SCNN1B: variants seen among roughly 807,000 people sequenced by gnomAD.
The protein encoded by SCNN1B is sodium channel epithelial 1 subunit beta.
SCNN1B carries 46 observed loss-of-function variants against 65.3 expected under a neutral mutation model. The observed-to-expected ratio is 0.70, with a 90% CI of 0.56 to 0.90. SCNN1B has a LOEUF of 0.90. Ranked by LOEUF, SCNN1B falls within the 40% of genes least tolerant of loss-of-function variation. The pLI is 0.00. For missense variants in SCNN1B, 751 were observed against 830.5 expected (o/e 0.90, Z 1.18); for synonymous variants, 349 against 330.6 (o/e 1.06, Z -0.60).
At position 23,305,549 on chromosome 16, in the gene SCNN1B, T is replaced by A. The variant is rs1311827166; in HGVS notation, c.-9+3112T>A. Among the ~76,000 whole-genome samples, 57 of 34,536 alleles carry A rather than the reference T, an allele frequency of 1.7e-3. 5 individuals carry two copies. The African/African-American group carries it at 0.017, about 10-fold the overall frequency. 22.7% of individuals were successfully genotyped at this position (34,536 alleles called of 152,430 possible). A position where few individuals can be genotyped will look rare whatever the true frequency, so the allele number is the denominator to read the frequency against. ...AATATATATATTATATATATATATA[T>A]ATATATATATATATATATATATATA... On this transcript the variant is annotated intron_variant, in intron 1 of 12. Transcript: ENST00000343070.
rs561639077 is a variant in SCNN1B, at chr16:23,282,579, G to A, written n.111-1158G>A. On this transcript the variant is annotated intron_variant and non_coding_transcript_variant, in intron 1 of 3. Transcript: ENST00000569789. ...GAAAATATCTTAATTGAGGTAGGAG[G>A]CATGACTCCATTCCAGATGTGGGGC... Among the ~76,000 whole-genome samples the A allele has an allele frequency of 5.9e-5, 9 of 152,258 alleles. No homozygotes were observed. In the East Asian group the frequency reaches 1.7e-3, roughly 29 times the overall value.
At chr16:23,358,916 AC>A (rs1236133101) in intron 4 of SCNN1B, among the ~76,000 whole-genome samples, 3 of 152,202 alleles carry the variant, frequency 2.0e-5, no homozygotes, top group Non-Finnish European at 4.4e-5. Flanking sequence ...AAAAACAGCA[AC>A]AAAAACAAAA....
At chr16:23,343,655 GA>G (rs1365492586) in intron 1 of SCNN1B, among the ~76,000 whole-genome samples, 1,409 of 134,368 alleles carry the variant, frequency 0.01, 9 homozygotes, top group Middle Eastern at 0.033. Flanking sequence ...AAGAAAAAAA[GA>G]AAGGAAGGAA....
At chr16:23,319,689 A>G (rs945397446) in intron 1 of SCNN1B, among the ~76,000 whole-genome samples, 1 of 152,162 alleles carries the variant, frequency 6.6e-6, no homozygotes, top group Non-Finnish European at 1.5e-5. Context: ...TTTCCCGAAA[A>G]AGTTTGCTGA....
chr16:23,369,494 T>G (rs1217323030), intron 5 of SCNN1B, among the ~76,000 whole-genome samples: 1 of 152,098 alleles, frequency 6.6e-6, no homozygotes, highest in Non-Finnish European at 1.5e-5. Flanking sequence ...GGGGCTCATG[T>G]GTTGCACTGA....
At chr16:23,311,068 C>T (rs902404723) in intron 1 of SCNN1B, among the ~76,000 whole-genome samples, 4 of 152,228 alleles carry the variant, frequency 2.6e-5, no homozygotes, top group African/African-American at 7.2e-5. Flanking sequence ...GAGGGCGGTT[C>T]GGCAAACATG....
chr16:23,356,731 G>A (rs1053539729), intron 4 of SCNN1B, among the ~76,000 whole-genome samples: 9 of 152,118 alleles, frequency 5.9e-5, no homozygotes, highest in African/African-American at 1.9e-4. Context: ...CAGAATGAGG[G>A]TAATGGTAAC....
At chr16:23,317,956 T>C (rs1302940336) in intron 1 of SCNN1B, among the ~76,000 whole-genome samples, 1 of 152,214 alleles carries the variant, frequency 6.6e-6, no homozygotes. Context: ...CCTGCCAGCC[T>C]CCTTCTTCCT....
intron 1 of SCNN1B, among the ~76,000 whole-genome samples, chr16:23,279,236 C>A (rs528798209): frequency 2.4e-4 from 36 of 152,174 alleles, no homozygotes; most frequent in African/African-American, 8.2e-4. Flanking sequence ...CCCACCACCA[C>A]GCCTGGCTAA....
chr16:23,335,574 A>G (rs1404670175), intron 1 of SCNN1B, among the ~76,000 whole-genome samples: 2 of 151,724 alleles, frequency 1.3e-5, no homozygotes, highest in South Asian at 2.1e-4. Context: ...CAGCCTCCCA[A>G]TAGCTGGGAT....
At chr16:23,374,623 C>T (rs1373250955) in intron 7 of SCNN1B, among the ~76,000 whole-genome samples, 3 of 151,244 alleles carry the variant, frequency 2.0e-5, no homozygotes, top group Non-Finnish European at 2.9e-5. Flanking sequence ...TGCCCGAAAC[C>T]GAGCTCTGGC....
chr16:23,283,407 T>A (rs911776161), intron 1 of SCNN1B, among the ~76,000 whole-genome samples: 1 of 152,140 alleles, frequency 6.6e-6, no homozygotes, highest in African/African-American at 2.4e-5. Context: ...CAAGACTCCA[T>A]CTCCAAAAAT....
chr16:23,312,861 AC>A (rs1961374347), intron 1 of SCNN1B, among the ~76,000 whole-genome samples: 1 of 151,842 alleles, frequency 6.6e-6, no homozygotes, highest in Admixed American at 6.6e-5. Flanking sequence ...CCCCTCCCCA[AC>A]CCTCACAGAA....
upstream of SCNN1B, among the ~76,000 whole-genome samples, chr16:23,301,104 C>CCAA (rs1288937005): frequency 9.2e-5 from 14 of 151,740 alleles, no homozygotes; most frequent in African/African-American, 3.4e-4. Context: ...TGGCTCACAC[C>CCAA]TGTAATCCCA....
intron 4 of SCNN1B, among the ~76,000 whole-genome samples, chr16:23,356,015 A>T (rs1383862392): frequency 6.6e-6 from 1 of 152,192 alleles, no homozygotes; most frequent in African/African-American, 2.4e-5. Flanking sequence ...GCTCAGCTTG[A>T]TCTGTGGGAG....
chr16:23,377,100 C>G, intron 8 of SCNN1B, 65 bp from the exon 9 acceptor site: 1 of 1,426,714 alleles, frequency 7.0e-7, no homozygotes, highest in African/African-American at 1.4e-5. Context: ...AGAGGCTCAG[C>G]AGGGAACAGG....
chr16:23,330,322 C>T (rs772675317), intron 1 of SCNN1B, among the ~76,000 whole-genome samples: 11 of 152,268 alleles, frequency 7.2e-5, no homozygotes, highest in Admixed American at 1.3e-4. Context: ...GAAAAGCAGG[C>T]ACAAGCAGCT....
At chr16:23,363,370 G>T (rs1001201550) in intron 4 of SCNN1B, among the ~76,000 whole-genome samples, 1 of 152,198 alleles carries the variant, frequency 6.6e-6, no homozygotes. Flanking sequence ...GCTGCTAAGG[G>T]ACACAGCCAG....
At chr16:23,295,429 G>A (rs947944256) in intron 2 of SCNN1B, among the ~76,000 whole-genome samples, 3 of 151,600 alleles carry the variant, frequency 2.0e-5, no homozygotes, top group African/African-American at 7.3e-5. Context: ...TGCCCAGGTT[G>A]GTCTCAAACT....
Sources: allele counts gnomAD v4.1 joint callset (sites outside exome capture counted in the v4.1 genomes callset), GRCh38; gene constraint gnomAD v4.1.1; transcripts MANE v1.5; gene names NCBI Gene and HGNC (gene_info 2026-07-23, HGNC 2026-07-21).